THSD7B: variants seen among roughly 807,000 people sequenced by gnomAD.
THSD7B encodes thrombospondin type 1 domain containing 7B.
Under a neutral mutation model 213.6 loss-of-function variants are expected in THSD7B, and 138 were observed. That is an observed-to-expected ratio of 0.65 (90% CI 0.56 to 0.74). THSD7B has a LOEUF of 0.74. THSD7B is among the 30% of genes least tolerant of loss of function. The probability of loss-of-function intolerance (pLI) is 0.00; values close to 1 mark genes in which losing one functional copy is unlikely to be tolerated. For missense variants in THSD7B, 1,931 were observed against 1,991.5 expected, an observed-to-expected ratio of 0.97 and a Z score of 0.58; for synonymous variants, 742 against 687.0, an observed-to-expected ratio of 1.08 and a Z score of -1.25.
intron 2 of THSD7B, among the ~76,000 whole-genome samples, chr2:136,929,094 T>A (rs1189731025): frequency 6.6e-6 from 1 of 152,064 alleles, no homozygotes; most frequent in East Asian, 1.9e-4. Flanking sequence ...TACCATTGAG[T>A]TTTAATTAAA....
intron 2 of THSD7B, among the ~76,000 whole-genome samples, chr2:136,885,117 A>G (rs1311977517): frequency 6.6e-6 from 1 of 152,158 alleles, no homozygotes; most frequent in African/African-American, 2.4e-5. Context: ...GTCCAGTGTA[A>G]TTTGGAATTT....
intron 12 of THSD7B, among the ~76,000 whole-genome samples, chr2:137,313,719 C>T (rs1683992189): frequency 1.3e-5 from 2 of 152,090 alleles, no homozygotes; most frequent in Admixed American, 6.5e-5. Flanking sequence ...CAAAATCTCT[C>T]AGCATTTGCT....
At chr2:137,412,824 T>C (rs1461010797) in intron 14 of THSD7B, among the ~76,000 whole-genome samples, 2 of 151,234 alleles carry the variant, frequency 1.3e-5, no homozygotes, top group Non-Finnish European at 2.9e-5. Flanking sequence ...GGGTGAAAAT[T>C]GGTGAAACAG....
chr2:136,954,637 A>AC (rs1395538377), intron 2 of THSD7B, among the ~76,000 whole-genome samples: 1 of 142,558 alleles, frequency 7.0e-6, no homozygotes, highest in Non-Finnish European at 1.5e-5. Flanking sequence ...AATGGTGTGA[A>AC]CCCCGGGGAG....
intron 15 of THSD7B, among the ~76,000 whole-genome samples, chr2:137,510,269 T>C (rs1679932403): frequency 6.6e-6 from 1 of 152,146 alleles, no homozygotes; most frequent in East Asian, 1.9e-4. Flanking sequence ...ATATTTATTT[T>C]TTAAAAGTGA....
At chr2:137,051,671 T>C (rs1421720884) in intron 2 of THSD7B, among the ~76,000 whole-genome samples, 1 of 152,114 alleles carries the variant, frequency 6.6e-6, no homozygotes, top group East Asian at 1.9e-4. Flanking sequence ...AAGTTAAAAA[T>C]AAAGCAATGT....
intron 15 of THSD7B, among the ~76,000 whole-genome samples, chr2:137,518,713 C>T (rs1680121237): frequency 6.6e-6 from 1 of 152,164 alleles, no homozygotes; most frequent in South Asian, 2.1e-4. Context: ...GGGCCCATGA[C>T]CACAGTGGCC....
At chr2:137,663,872 GA>G (rs924227144) in intron 26 of THSD7B, among the ~76,000 whole-genome samples, 2 of 152,150 alleles carry the variant, frequency 1.3e-5, no homozygotes, top group African/African-American at 4.8e-5. Flanking sequence ...TTGGGTCGGG[GA>G]GAGAATTTCA....
intron 1 of THSD7B, among the ~76,000 whole-genome samples, chr2:136,867,916 CAA>C (rs1489818873): frequency 3.3e-5 from 5 of 152,248 alleles, no homozygotes; most frequent in East Asian, 1.9e-4. Context: ...GCAATAAAGA[CAA>C]AGAGTGGCTT....
At chr2:137,570,602 T>C (rs1681335260) in intron 16 of THSD7B, among the ~76,000 whole-genome samples, 1 of 152,230 alleles carries the variant, frequency 6.6e-6, no homozygotes, top group African/African-American at 2.4e-5. Flanking sequence ...TAGCATAGCA[T>C]GATCTAGGGA....
chr2:137,350,226 A>T (rs181914626), intron 12 of THSD7B, among the ~76,000 whole-genome samples: 17 of 151,988 alleles, frequency 1.1e-4, no homozygotes, highest in African/African-American at 3.6e-4. Context: ...AAAAGTTCAG[A>T]GTACAATAAA....
At chr2:137,649,393 G>C (rs1219269671) in intron 21 of THSD7B, among the ~76,000 whole-genome samples, 1 of 152,140 alleles carries the variant, frequency 6.6e-6, no homozygotes, top group East Asian at 1.9e-4. Context: ...TTTTCTTCTA[G>C]TAGTTTCAAA....
intron 2 of THSD7B, among the ~76,000 whole-genome samples, chr2:137,035,031 G>C (rs1686750182): frequency 6.6e-6 from 1 of 152,168 alleles, no homozygotes; most frequent in Non-Finnish European, 1.5e-5. Flanking sequence ...TTCCACAATG[G>C]TTCTTTCTTA....
At chr2:137,376,466 A>G (rs80180926) in intron 12 of THSD7B, among the ~76,000 whole-genome samples, 4,534 of 152,296 alleles carry the variant, frequency 0.03, 234 homozygotes, top group African/African-American at 0.1. Context: ...TAAAAATTAC[A>G]CAGCCCATTT....
At chr2:137,057,253 A>G in intron 3 of THSD7B, 23 bp downstream of exon 3, 1 of 1,547,376 alleles carries the variant, frequency 6.5e-7, no homozygotes, top group Non-Finnish European at 8.7e-7. Flanking sequence ...TGATGCTTGA[A>G]TTTGATTCAC....
intron 2 of THSD7B, among the ~76,000 whole-genome samples, chr2:136,976,365 G>T (rs74416169): frequency 0.016 from 2,485 of 152,210 alleles, 34 homozygotes; most frequent in Middle Eastern, 0.02. Context: ...TTTATTAAAC[G>T]TTTTTAACAT....
chr2:137,603,118 A>G (rs10445688), intron 17 of THSD7B, among the ~76,000 whole-genome samples: 33,801 of 152,116 alleles, frequency 0.22, 4,451 homozygotes, highest in African/African-American at 0.36. Context: ...GCTGTCTCAT[A>G]GCACAGTCCA....
At chr2:137,458,434 A>C (rs1035085356) in intron 15 of THSD7B, among the ~76,000 whole-genome samples, 1 of 152,150 alleles carries the variant, frequency 6.6e-6, no homozygotes, top group African/African-American at 2.4e-5. Context: ...GTACTGATAA[A>C]GCCATGTTTC....
At chr2:137,663,930 C>T (rs1035564880) in intron 26 of THSD7B, among the ~76,000 whole-genome samples, 9 of 152,034 alleles carry the variant, frequency 5.9e-5, no homozygotes, top group South Asian at 2.1e-4. Flanking sequence ...CGGCTTACTG[C>T]GACCTCCACC....
Sources: gnomAD v4.1 joint callset for allele counts (sites outside exome capture counted in the v4.1 genomes callset) on GRCh38, gnomAD v4.1.1 for gene constraint, MANE v1.5 for transcripts, NCBI Gene and HGNC (gene_info 2026-07-23, HGNC 2026-07-21) for gene names.